ABLIM1: variants seen among roughly 807,000 people sequenced by gnomAD.
ABLIM1 encodes actin binding LIM protein 1, also known as actin-binding LIM protein 1.
A neutral mutation model predicts 107.0 loss-of-function variants in ABLIM1; 40 were observed. That is an observed-to-expected ratio of 0.37 (90% CI 0.29 to 0.49). The LOEUF is 0.49. Ranked by LOEUF, ABLIM1 falls within the 20% of genes least tolerant of loss-of-function variation. ABLIM1 has a pLI of 0.97. For synonymous variants in ABLIM1, 357 were observed against 357.3 expected (o/e 1.00, Z 0.01); for missense variants, 857 against 1,008.5 (o/e 0.85, Z 2.04).
chr10:114,785,468 C>CA, the ABLIM1 span, among the ~76,000 whole-genome samples: 1 of 152,094 alleles, frequency 6.6e-6, no homozygotes, highest in Non-Finnish European at 1.5e-5. Context: ...TATTGGATCT[C>CA]ATGGGGATGT....
At chr10:114,638,830 C>G (rs1328955482) in intron 1 of ABLIM1, among the ~76,000 whole-genome samples, 1 of 152,140 alleles carries the variant, frequency 6.6e-6, no homozygotes, top group Non-Finnish European at 1.5e-5. Context: ...ATGGAAGGAC[C>G]TGTCAGGTGA....
At chr10:114,456,319 A>G (rs1451273477) in intron 12 of ABLIM1, among the ~76,000 whole-genome samples, 1 of 152,236 alleles carries the variant, frequency 6.6e-6, no homozygotes, top group Non-Finnish European at 1.5e-5. Flanking sequence ...TAAGTTTCCC[A>G]TTACAGCTAA....
chr10:114,528,233 G>A (rs2065066285), intron 6 of ABLIM1, among the ~76,000 whole-genome samples: 1 of 152,100 alleles, frequency 6.6e-6, no homozygotes, highest in Admixed American at 6.5e-5. Context: ...GCCTCCCAAA[G>A]TGCTGCAATT....
intron 2 of ABLIM1, among the ~76,000 whole-genome samples, chr10:114,593,820 G>C (rs1163478755): frequency 1.3e-5 from 2 of 152,088 alleles, no homozygotes; most frequent in Non-Finnish European, 2.9e-5. Context: ...AAGATTACAA[G>C]ACCTTACCCT....
intron 1 of ABLIM1, chr10:114,631,872 C>T: frequency 7.7e-7 from 1 of 1,303,454 alleles, no homozygotes; most frequent in South Asian, 1.2e-5. Flanking sequence ...ACTTCTGCAA[C>T]CATGCACAGT....
intron 1 of ABLIM1, among the ~76,000 whole-genome samples, chr10:114,725,296 AC>A (rs2081932912): frequency 6.6e-6 from 1 of 152,232 alleles, no homozygotes; most frequent in Non-Finnish European, 1.5e-5. Flanking sequence ...ATTTGTAAAC[AC>A]CAAAACCAAA....
At chr10:114,667,743 T>G (rs2080086150) in intron 1 of ABLIM1, among the ~76,000 whole-genome samples, 1 of 152,196 alleles carries the variant, frequency 6.6e-6, no homozygotes, top group Non-Finnish European at 1.5e-5. Flanking sequence ...ATTCCAGAAC[T>G]TCATATAAAT....
chr10:114,634,306 G>C (rs2078365831), intron 1 of ABLIM1, among the ~76,000 whole-genome samples: 1 of 148,864 alleles, frequency 6.7e-6, no homozygotes, highest in African/African-American at 2.5e-5. Context: ...CTAATTTTTT[G>C]TATTTTTAGT....
chr10:114,769,127 A>G (rs541107282), upstream of ABLIM1, among the ~76,000 whole-genome samples: 2 of 133,274 alleles, frequency 1.5e-5, no homozygotes, highest in African/African-American at 5.6e-5. Context: ...TGAGGTCAGG[A>G]GTTCAAAACC....
chr10:114,608,729 CAA>C (rs2076600719), intron 1 of ABLIM1, among the ~76,000 whole-genome samples: 1 of 151,526 alleles, frequency 6.6e-6, no homozygotes, highest in South Asian at 2.1e-4. Flanking sequence ...AAAAGAAAAA[CAA>C]AGGCTGGGCA....
intron 1 of ABLIM1, among the ~76,000 whole-genome samples, chr10:114,734,274 C>A (rs538294023): frequency 1.3e-5 from 2 of 152,168 alleles, no homozygotes; most frequent in Non-Finnish European, 2.9e-5. Context: ...TGGTTCTCCA[C>A]CAAATCTCCC....
intron 1 of ABLIM1, among the ~76,000 whole-genome samples, chr10:114,717,197 G>A (rs181829761): frequency 2.0e-4 from 30 of 152,292 alleles, no homozygotes; most frequent in Admixed American, 1.8e-3. Context: ...CAAGTGAACT[G>A]CTCTGTGCTG....
intron 1 of ABLIM1, among the ~76,000 whole-genome samples, chr10:114,648,384 G>A (rs1271223917): frequency 1.3e-5 from 2 of 152,128 alleles, no homozygotes; most frequent in Admixed American, 6.5e-5. Context: ...CTACCGCCTC[G>A]ATGAGCCTTA....
chr10:114,459,039 G>A (rs953605852), intron 12 of ABLIM1, among the ~76,000 whole-genome samples: 3 of 152,206 alleles, frequency 2.0e-5, no homozygotes, highest in African/African-American at 4.8e-5. Flanking sequence ...AGTCTGTGCC[G>A]TGCATCTCAG....
chr10:114,644,268 G>A (rs2078885645), intron 1 of ABLIM1, among the ~76,000 whole-genome samples: 1 of 89,586 alleles, frequency 1.1e-5, no homozygotes, highest in Non-Finnish European at 1.9e-5. Context: ...GTGACAGAGT[G>A]AGACTCCATC....
At chr10:114,755,852 C>T (rs2082618350) in intron 1 of ABLIM1, among the ~76,000 whole-genome samples, 1 of 152,216 alleles carries the variant, frequency 6.6e-6, no homozygotes, top group South Asian at 2.1e-4. Flanking sequence ...TTTTTAACCA[C>T]ATAGAAGTCT....
chr10:114,683,918 C>T (rs1381391046), intron 1 of ABLIM1, among the ~76,000 whole-genome samples: 1 of 151,874 alleles, frequency 6.6e-6, no homozygotes, highest in African/African-American at 2.4e-5. Flanking sequence ...GAGATGACAT[C>T]CAAACTCAAA....
chr10:114,563,642 C>T (rs2070145946), intron 4 of ABLIM1, among the ~76,000 whole-genome samples: 1 of 151,564 alleles, frequency 6.6e-6, no homozygotes, highest in African/African-American at 2.4e-5. Context: ...TCAGACTAGC[C>T]TGGTCAACAC....
chr10:114,586,749 G>A (rs184807176), intron 2 of ABLIM1, among the ~76,000 whole-genome samples: 12 of 152,266 alleles, frequency 7.9e-5, no homozygotes, highest in Admixed American at 2.6e-4. Context: ...TCATCCTTGC[G>A]GATATGGACA....
Sources: gnomAD v4.1 joint callset for allele counts (sites outside exome capture counted in the v4.1 genomes callset) on GRCh38, gnomAD v4.1.1 for gene constraint, MANE v1.5 for transcripts, NCBI Gene and HGNC (gene_info 2026-07-23, HGNC 2026-07-21) for gene names.